The following DNAAF4 variants were observed in gnomAD, a reference collection of about 807,000 sequenced individuals.
The protein encoded by DNAAF4 is dynein assembly factor 4, axonemal.
A neutral mutation model predicts 51.8 loss-of-function variants in DNAAF4; 43 were observed. That is an observed-to-expected ratio of 0.83 (90% confidence interval 0.65 to 1.07). DNAAF4 has a LOEUF of 1.07. Ranked by LOEUF, DNAAF4 falls within the 50% of genes least tolerant of loss-of-function variation. The pLI is 0.00. For missense variants in DNAAF4, 581 were observed against 493.0 expected (o/e 1.18, Z -1.69); for synonymous variants, 194 against 165.6 (o/e 1.17, Z -1.32).
In DNAAF4 at chr15:55,436,103, T is replaced by G. The variant is rs1402129009; in HGVS notation, c.894-1045A>C. Among the ~76,000 whole-genome samples, 4 of 152,156 alleles carry G rather than the reference T, an allele frequency of 2.6e-5. No individual in the cohort carries two copies. The South Asian group carries it at 8.3e-4, about 32-fold the overall frequency. On this transcript the variant is annotated intron_variant, in intron 7 of 9. Transcript: ENST00000321149. ...GCGCCCGGCCCTATTTTTACTTTTT[T>G]GGGAACCACAATAGTGTTTTCCATA...
At chr15:55,492,208 T>A (rs2058583672) in intron 3 of DNAAF4, among the ~76,000 whole-genome samples, 2 of 92,206 alleles carry the variant, frequency 2.2e-5, no homozygotes, top group South Asian at 6.0e-4. Context: ...AACTGAAGAC[T>A]ACGATCAATG....
chr15:55,483,599 G>A (rs1193129902), intron 4 of DNAAF4, among the ~76,000 whole-genome samples: 1 of 151,928 alleles, frequency 6.6e-6, no homozygotes, highest in Non-Finnish European at 1.5e-5. Flanking sequence ...GGAATACAGT[G>A]GCACAATCTT....
At chr15:55,459,326 C>T (rs1304972903) in intron 5 of DNAAF4, among the ~76,000 whole-genome samples, 1 of 151,958 alleles carries the variant, frequency 6.6e-6, no homozygotes, top group Non-Finnish European at 1.5e-5. Flanking sequence ...ACTACCATGC[C>T]AGCACTACAA....
chr15:55,506,961 T>G (rs2058730397), intron 1 of DNAAF4, among the ~76,000 whole-genome samples: 2 of 152,164 alleles, frequency 1.3e-5, no homozygotes, highest in Admixed American at 6.5e-5. Context: ...GCGATTCTCC[T>G]GTCTCAGCCT....
intron 4 of DNAAF4, among the ~76,000 whole-genome samples, chr15:55,482,679 A>AAAAAC (rs759171151): frequency 2.6e-5 from 4 of 152,172 alleles, no homozygotes; most frequent in African/African-American, 7.2e-5. Context: ...ATTCCATCTC[A>AAAAAC]AAAACAAAAC....
At chr15:55,442,013 G>A (rs1178654486) in intron 6 of DNAAF4, among the ~76,000 whole-genome samples, 3 of 152,104 alleles carry the variant, frequency 2.0e-5, no homozygotes, top group Non-Finnish European at 4.4e-5. Context: ...TATTCTTCAT[G>A]CTTGGTTTTC....
intron 1 of DNAAF4, among the ~76,000 whole-genome samples, 159 bp downstream of exon 1, chr15:55,507,963 A>C (rs1050242740): frequency 3.3e-5 from 5 of 152,188 alleles, no homozygotes; most frequent in Admixed American, 3.3e-4. Flanking sequence ...TAGAAATGCA[A>C]ATTCCCAGTC....
intron 5 of DNAAF4, among the ~76,000 whole-genome samples, chr15:55,453,074 C>G (rs1242787941): frequency 1.3e-5 from 2 of 152,170 alleles, no homozygotes; most frequent in Non-Finnish European, 1.5e-5. Context: ...AGCCACCCAC[C>G]TTGGCCTCCC....
At chr15:55,477,163 C>T (rs1445114175) in intron 4 of DNAAF4, among the ~76,000 whole-genome samples, 1 of 150,742 alleles carries the variant, frequency 6.6e-6, no homozygotes, top group Admixed American at 6.6e-5. Flanking sequence ...CAGAATGAAA[C>T]TCCAACTCAA....
chr15:55,472,708 C>A (rs992484039), intron 4 of DNAAF4, among the ~76,000 whole-genome samples: 1 of 151,932 alleles, frequency 6.6e-6, no homozygotes, highest in Non-Finnish European at 1.5e-5. Flanking sequence ...ATGCAGACAG[C>A]AAATAAAACT....
intron 6 of DNAAF4, among the ~76,000 whole-genome samples, chr15:55,445,318 A>C (rs535871969): frequency 2.7e-4 from 41 of 152,240 alleles, no homozygotes; most frequent in African/African-American, 9.9e-4. Context: ...TTTAACCCTG[A>C]GTTGACACAG....
At chr15:55,421,901 T>A (rs1304051253) in intron 7 of DNAAF4, among the ~76,000 whole-genome samples, 1 of 8,848 alleles carries the variant, frequency 1.1e-4, no homozygotes, top group Non-Finnish European at 1.7e-4. Flanking sequence ...AAAAAATGTA[T>A]AATAATAATA....
chr15:55,468,552 A>G (rs1437397864), intron 4 of DNAAF4, among the ~76,000 whole-genome samples: 1 of 152,040 alleles, frequency 6.6e-6, no homozygotes, highest in African/African-American at 2.4e-5. Context: ...CATGATGAAC[A>G]CTCCATGTTA....
intron 1 of DNAAF4, among the ~76,000 whole-genome samples, chr15:55,504,030 A>C (rs1005874649): frequency 1.3e-5 from 2 of 152,198 alleles, no homozygotes; most frequent in Non-Finnish European, 2.9e-5. Flanking sequence ...AAAACCGCAT[A>C]GCCTCAGCCC....
At chr15:55,449,862 C>T (rs1439386985) in intron 6 of DNAAF4, among the ~76,000 whole-genome samples, 2 of 151,724 alleles carry the variant, frequency 1.3e-5, no homozygotes, top group Non-Finnish European at 2.9e-5. Context: ...CCACGCCAGG[C>T]TAATTTTTGT....
intron 7 of DNAAF4, among the ~76,000 whole-genome samples, chr15:55,422,248 G>C (rs998819300): frequency 6.6e-6 from 1 of 152,090 alleles, no homozygotes; most frequent in Non-Finnish European, 1.5e-5. Context: ...AGGTGGAAAG[G>C]GAAGGTTTCT....
downstream of DNAAF4, among the ~76,000 whole-genome samples, chr15:55,426,109 T>TTGAAGCTGTCCTCTTACACAC (rs2057428698): frequency 6.6e-6 from 1 of 152,132 alleles, no homozygotes; most frequent in African/African-American, 2.4e-5. Context: ...TCAATAGGAA[T>TTGAAGCTGTCCTCTTACACAC]TGAAGCTGTC....
chr15:55,454,536 G>T (rs765767312), intron 5 of DNAAF4, among the ~76,000 whole-genome samples: 1 of 151,696 alleles, frequency 6.6e-6, no homozygotes, highest in Non-Finnish European at 1.5e-5. Flanking sequence ...TGCCACCACA[G>T]CCAGCTAATT....
intron 4 of DNAAF4, among the ~76,000 whole-genome samples, chr15:55,488,103 C>A (rs1172604984): frequency 1.3e-5 from 2 of 148,290 alleles, no homozygotes; most frequent in Admixed American, 6.7e-5. Context: ...GGATGAAATA[C>A]CAATCTTTTT....
Sources: gnomAD v4.1 joint callset for allele counts (sites outside exome capture counted in the v4.1 genomes callset) on GRCh38, gnomAD v4.1.1 for gene constraint, MANE v1.5 for transcripts, NCBI Gene and HGNC (gene_info 2026-07-23, HGNC 2026-07-21) for gene names.